STAG1: variants seen among roughly 807,000 people sequenced by gnomAD.
STAG1 encodes cohesin subunit SA-1.
In STAG1, 26 loss-of-function variants were observed where a neutral mutation model predicts 170.9. That is an observed-to-expected ratio of 0.15 (90% CI 0.11 to 0.21). The LOEUF (loss-of-function observed/expected upper bound fraction) is 0.21. STAG1 is among the 10% of genes least tolerant of loss of function. STAG1 has a pLI of 1.00. For synonymous variants in STAG1, 514 were observed against 497.7 expected (o/e 1.03, Z -0.44); for missense variants, 964 against 1,509.5 (o/e 0.64, Z 5.99).
At chr3:136,528,596 A>G (rs1265474521) in intron 6 of STAG1, among the ~76,000 whole-genome samples, 3 of 151,156 alleles carry the variant, frequency 2.0e-5, no homozygotes, top group Admixed American at 2.0e-4. Context: ...AACAATACAG[A>G]GGAGTCAGCA....
chr3:136,601,123 G>A (rs6788346), intron 4 of STAG1, among the ~76,000 whole-genome samples: 54,529 of 151,800 alleles, frequency 0.36, 11,018 homozygotes, highest in African/African-American at 0.55. Flanking sequence ...AGCCTCCCAA[G>A]GTGCTGAGAT....
At chr3:136,367,104 G>T (rs1430749879) in intron 24 of STAG1, 22 bp from the exon 25 acceptor site, 2 of 1,570,662 alleles carry the variant, frequency 1.3e-6, no homozygotes, top group Middle Eastern at 1.8e-4. Flanking sequence ...TTACAAATTG[G>T]TTATGAATTC....
At chr3:136,354,767 A>AAAAAAAAAAAAAC (rs1349802408) in intron 28 of STAG1, among the ~76,000 whole-genome samples, 1 of 146,596 alleles carries the variant, frequency 6.8e-6, no homozygotes, top group African/African-American at 2.5e-5. Flanking sequence ...AAAAAAAAAA[A>AAAAAAAAAAAAAC]ACCAAAAAAC....
Position 136,734,032 on chromosome 3 carries a change from G to A in STAG1, c.-84+18163C>T, listed in dbSNP as rs535995477. Among the ~76,000 whole-genome samples, 49 of 151,662 alleles carry A rather than the reference G, an allele frequency of 3.2e-4. No individual in the cohort carries two copies. In the Middle Eastern group the frequency reaches 0.014, roughly 42 times the overall value. ...TGAGGCAGGAGAATGGCGTGAATCC[G>A]GGAGGCAGAGCTTGCAGTGAGCCAA... On this transcript the variant is annotated intron_variant, in intron 1 of 33. Transcript: ENST00000383202.
intron 1 of STAG1, among the ~76,000 whole-genome samples, chr3:136,714,926 ATATATATAT>A (rs1943479470): frequency 2.0e-5 from 2 of 98,194 alleles, no homozygotes; most frequent in Admixed American, 1.2e-4. Flanking sequence ...AAAAAAACAA[ATATATATAT>A]TAAATATATA....
intron 1 of STAG1, among the ~76,000 whole-genome samples, chr3:136,750,467 C>A (rs1209845575): frequency 6.6e-6 from 1 of 152,248 alleles, no homozygotes; most frequent in Non-Finnish European, 1.5e-5. Flanking sequence ...ATCAAATCTA[C>A]AGTCATTTTA....
chr3:136,499,813 G>C (rs1362704258), intron 9 of STAG1: 1 of 153,578 alleles, frequency 6.5e-6, no homozygotes, highest in Admixed American at 6.6e-5. Flanking sequence ...TTTTCGCCCA[G>C]CTTCACACAG....
At chr3:136,566,168 C>A (rs2107758927) in intron 5 of STAG1, among the ~76,000 whole-genome samples, 2 of 152,206 alleles carry the variant, frequency 1.3e-5, no homozygotes, top group South Asian at 4.1e-4. Flanking sequence ...AAAATCCTAA[C>A]CCCCAAAGTG....
At chr3:136,690,452 G>C (rs1942685372) in intron 1 of STAG1, among the ~76,000 whole-genome samples, 2 of 152,226 alleles carry the variant, frequency 1.3e-5, no homozygotes, top group South Asian at 4.1e-4. Context: ...GGGCAGGCTG[G>C]TCTCAAACTC....
chr3:136,651,675 C>T (rs886682836), intron 1 of STAG1, among the ~76,000 whole-genome samples: 1 of 152,004 alleles, frequency 6.6e-6, no homozygotes, highest in Non-Finnish European at 1.5e-5. Context: ...AACCAATAGT[C>T]TTATGCAGAC....
chr3:136,380,402 T>C (rs1191820205), intron 22 of STAG1, among the ~76,000 whole-genome samples: 4 of 151,962 alleles, frequency 2.6e-5, no homozygotes, highest in Non-Finnish European at 5.9e-5. Context: ...CTGCCATACC[T>C]GGCTAATTTT....
At chr3:136,713,616 G>A (rs368983927) in intron 1 of STAG1, among the ~76,000 whole-genome samples, 68 of 151,762 alleles carry the variant, frequency 4.5e-4, no homozygotes, top group African/African-American at 1.4e-3. Context: ...GGGGAAGCAC[G>A]GTAACTAGCA....
chr3:136,462,920 T>G (rs2089313825), intron 13 of STAG1, among the ~76,000 whole-genome samples: 1 of 152,186 alleles, frequency 6.6e-6, no homozygotes. Flanking sequence ...TGGCTTCTAT[T>G]ATACAGAGAA....
chr3:136,644,549 TA>T (rs1282094400), intron 1 of STAG1, among the ~76,000 whole-genome samples: 2 of 152,198 alleles, frequency 1.3e-5, no homozygotes, highest in East Asian at 3.8e-4. Context: ...AAAACTGTTA[TA>T]CTAAGTACAA....
intron 21 of STAG1, 113 bp downstream of exon 21, chr3:136,417,772 C>A (rs1303526184): frequency 1.2e-5 from 9 of 734,062 alleles, no homozygotes; most frequent in South Asian, 3.2e-5. Flanking sequence ...TCAAAAGAGG[C>A]AGCTGCCCTA....
rs116433142 is a variant in STAG1 at position 136,706,325 on chromosome 3, T to C, written c.-84+45870A>G. On this transcript the variant is annotated intron_variant, in intron 1 of 33. Coordinates refer to ENST00000383202, the MANE Select transcript of STAG1 (RefSeq NM_005862.3). ...TCTAGTCGCACATGACACAATCCTA[T>C]ATATAAAATATTCCAAAGAATCAAC... Among the ~76,000 whole-genome samples the C allele has an allele frequency of 7.2e-3, 1,091 of 152,216 alleles. 22 individuals are homozygous for C. Among genetic ancestry groups the C allele is most frequent in the African/African-American group, 0.024 (984 of 41,526 alleles).
chr3:136,617,551 G>C (rs547863471), intron 3 of STAG1, among the ~76,000 whole-genome samples: 1 of 152,204 alleles, frequency 6.6e-6, no homozygotes, highest in Non-Finnish European at 1.5e-5. Context: ...GAATGTTCCT[G>C]AAAGATTGAC....
chr3:136,607,443 C>T (rs1433418800), intron 3 of STAG1, among the ~76,000 whole-genome samples: 30 of 152,114 alleles, frequency 2.0e-4, no homozygotes, highest in Non-Finnish European at 1.0e-4. Flanking sequence ...CTCTTTGTTG[C>T]TCAGGCTGGA....
chr3:136,548,062 T>C (rs1013342498), intron 5 of STAG1, among the ~76,000 whole-genome samples: 3 of 152,156 alleles, frequency 2.0e-5, no homozygotes, highest in Non-Finnish European at 4.4e-5. Context: ...GGGCTCTCTA[T>C]TCTGTTACAT....
Sources: allele counts gnomAD v4.1 joint callset (sites outside exome capture counted in the v4.1 genomes callset), GRCh38; gene constraint gnomAD v4.1.1; transcripts MANE v1.5; gene names NCBI Gene and HGNC (gene_info 2026-07-23, HGNC 2026-07-21).